RDX: variants seen among roughly 807,000 people sequenced by gnomAD.
RDX encodes radixin.
RDX carries 32 observed loss-of-function variants against 83.7 expected under a neutral mutation model. The ratio of observed to expected loss-of-function variants is 0.38; its 90% confidence interval spans 0.29 to 0.51. The LOEUF (loss-of-function observed/expected upper bound fraction) is 0.51. Among genes scored for constraint, RDX ranks in the 20% least tolerant of loss-of-function variants. RDX has a pLI of 0.87. For missense variants in RDX, 600 were observed against 689.9 expected, an observed-to-expected ratio of 0.87 and a Z score of 1.46; for synonymous variants, 229 against 222.7, an observed-to-expected ratio of 1.03 and a Z score of -0.25.
downstream of RDX, among the ~76,000 whole-genome samples, chr11:110,227,832 T>C (rs924585320): frequency 2.6e-5 from 4 of 152,116 alleles, no homozygotes; most frequent in African/African-American, 9.6e-5. Flanking sequence ...ATGCAAAGGA[T>C]GTGTCATGGG....
chr11:110,209,501 A>C (rs944596838), intron 14 of RDX, among the ~76,000 whole-genome samples: 87 of 152,298 alleles, frequency 5.7e-4, no homozygotes, highest in Middle Eastern at 3.4e-3. Flanking sequence ...CTCAAGGAGG[A>C]CTGCCTGCCT....
At chr11:110,280,303 G>A (rs1565332599) in intron 1 of RDX, among the ~76,000 whole-genome samples, 1 of 152,036 alleles carries the variant, frequency 6.6e-6, no homozygotes, top group Admixed American at 6.6e-5. Context: ...GAGTACAGTG[G>A]TAACACCACA....
chr11:110,182,795 A>G (rs1300003875), intron 15 of RDX, among the ~76,000 whole-genome samples: 1 of 152,190 alleles, frequency 6.6e-6, no homozygotes, highest in Admixed American at 6.5e-5. Context: ...AACAGGACAT[A>G]TGAATAGCAT....
intron 1 of RDX, among the ~76,000 whole-genome samples, chr11:110,286,192 A>G (rs1860972745): frequency 6.6e-6 from 1 of 152,154 alleles, no homozygotes; most frequent in Non-Finnish European, 1.5e-5. Context: ...TCCTAAAGCA[A>G]TATATTGTGC....
intron 1 of RDX, among the ~76,000 whole-genome samples, chr11:110,294,267 C>T (rs867482176): frequency 2.0e-5 from 3 of 152,168 alleles, no homozygotes; most frequent in South Asian, 4.1e-4. Flanking sequence ...TGGTGGCGCA[C>T]GCCTGTAGTC....
intron 14 of RDX, among the ~76,000 whole-genome samples, chr11:110,206,537 C>T (rs774940270): frequency 6.6e-6 from 1 of 151,982 alleles, no homozygotes; most frequent in East Asian, 1.9e-4. Context: ...AAACGGATGA[C>T]GTGATGGAGA....
intron 1 of RDX, among the ~76,000 whole-genome samples, chr11:110,295,409 T>G (rs1262301870): frequency 6.6e-6 from 1 of 151,990 alleles, no homozygotes; most frequent in Non-Finnish European, 1.5e-5. Context: ...ATCTTAGACT[T>G]TTATATTTAC....
At chr11:110,177,141 C>T (rs904171975) in intron 15 of RDX, among the ~76,000 whole-genome samples, 1 of 152,244 alleles carries the variant, frequency 6.6e-6, no homozygotes, top group African/African-American at 2.4e-5. Flanking sequence ...TAGTAAAAGC[C>T]AAGACAAGGA....
intron 2 of RDX, among the ~76,000 whole-genome samples, chr11:110,275,666 A>G (rs1300770300): frequency 6.6e-6 from 1 of 151,846 alleles, no homozygotes; most frequent in East Asian, 1.9e-4. Context: ...AGAACCTCCC[A>G]TATTGTGGTT....
chr11:110,214,464 C>A (rs1333439626), intron 14 of RDX, among the ~76,000 whole-genome samples: 1 of 131,524 alleles, frequency 7.6e-6, no homozygotes, highest in African/African-American at 2.8e-5. Context: ...TTGGAAATAC[C>A]ATTTGACCCA....
At chr11:110,266,196 G>A (rs1361078905) in intron 3 of RDX, among the ~76,000 whole-genome samples, 6 of 151,994 alleles carry the variant, frequency 3.9e-5, no homozygotes, top group South Asian at 2.1e-4. Context: ...AGCTGGGCGT[G>A]GTGGCATGCG....
exon 15 of RDX, chr11:110,199,644 G>T (rs1016821813): frequency 1.7e-5 from 12 of 702,904 alleles, no homozygotes; most frequent in Middle Eastern, 2.3e-4. Context: ...TGGCAAGAGC[G>T]CATCTGGAAC....
intron 10 of RDX, among the ~76,000 whole-genome samples, chr11:110,239,841 TAA>T (rs34603140): frequency 1.9e-4 from 25 of 134,524 alleles, no homozygotes; most frequent in Non-Finnish European, 2.6e-4. Context: ...ACTCTGTTTT[TAA>T]AAAAAAAAAA....
chr11:110,226,066 CAA>C (rs56228784), downstream of RDX, among the ~76,000 whole-genome samples: 22 of 110,832 alleles, frequency 2.0e-4, no homozygotes, highest in Non-Finnish European at 2.8e-4. Context: ...AACTCCATCT[CAA>C]AAAAAAAAAA....
chr11:110,188,533 T>TA, intron 15 of RDX, among the ~76,000 whole-genome samples: 1 of 152,064 alleles, frequency 6.6e-6, no homozygotes, highest in East Asian at 1.9e-4. Context: ...GGGTGAGGGA[T>TA]AAAAGACTAC....
At chr11:110,273,544 A>G (rs1198305785) in intron 2 of RDX, among the ~76,000 whole-genome samples, 1 of 152,234 alleles carries the variant, frequency 6.6e-6, no homozygotes, top group Non-Finnish European at 1.5e-5. Flanking sequence ...TCTACCAAGT[A>G]GCTAGGAGCA....
chr11:110,258,306 C>T, intron 5 of RDX, 117 bp from the exon 6 acceptor site: 1 of 682,574 alleles, frequency 1.5e-6, no homozygotes. Context: ...ACAATTAATA[C>T]ACATGATGAA....
Position 110,209,772 on chromosome 11 carries a change from AGG to A in RDX, c.1749-10096_1749-10095del, listed in dbSNP as rs1165874630. 5.0e-3 allele frequency among the ~76,000 whole-genome samples: 735 copies of A among 145,720 alleles called. 7 individuals carry two copies. The highest frequency in any genetic ancestry group is 0.018 in the African/African-American group (711 of 39,944). ...GGGTACTCCAACAGACCTGCAGCTG[AGG>A]GTCCTCTCTGTTAGAAGGAAAACTA... On this transcript the variant is annotated intron_variant, in intron 14 of 15. Coordinates refer to the RDX transcript ENST00000528498.
At chr11:110,187,881 G>C (rs1863018322) in intron 15 of RDX, among the ~76,000 whole-genome samples, 2 of 152,250 alleles carry the variant, frequency 1.3e-5, no homozygotes, top group Admixed American at 1.3e-4. Flanking sequence ...ACACCCATCT[G>C]TGTTGGCTGC....
Sources: allele counts gnomAD v4.1 joint callset (sites outside exome capture counted in the v4.1 genomes callset), GRCh38; gene constraint gnomAD v4.1.1; transcripts MANE v1.5; gene names NCBI Gene and HGNC (gene_info 2026-07-23, HGNC 2026-07-21).